The following NLRP14 variants were observed in gnomAD, a reference collection of about 807,000 sequenced individuals.
NLRP14 encodes the protein NACHT, LRR and PYD domains-containing protein 14.
A neutral mutation model predicts 94.7 loss-of-function variants in NLRP14; 105 were observed. The ratio of observed to expected loss-of-function variants is 1.11; its 90% CI spans 0.95 to 1.30. The LOEUF is 1.30. NLRP14 is among the 50% of genes most tolerant of loss of function. NLRP14 has a pLI of 0.00. For synonymous variants in NLRP14, 508 were observed against 459.9 expected, an observed-to-expected ratio of 1.10 and a Z score of -1.34; for missense variants, 1,362 against 1,254.1, an observed-to-expected ratio of 1.09 and a Z score of -1.30.
At chr11:7,045,298 C>T (rs923131157) in intron 4 of NLRP14, among the ~76,000 whole-genome samples, 7 of 152,150 alleles carry the variant, frequency 4.6e-5, no homozygotes, top group South Asian at 2.1e-4. Flanking sequence ...GGCATTAAAA[C>T]GTCTTTTATG....
the NLRP14 span, among the ~76,000 whole-genome samples, chr11:7,086,808 A>C: frequency 6.6e-6 from 1 of 152,196 alleles, no homozygotes; most frequent in African/African-American, 2.4e-5. Flanking sequence ...CCATGCATCT[A>C]GCTAGCCCTG....
intron 10 of NLRP14, among the ~76,000 whole-genome samples, chr11:7,064,983 T>G (rs1852683323): frequency 6.6e-6 from 1 of 152,020 alleles, no homozygotes; most frequent in Non-Finnish European, 1.5e-5. Flanking sequence ...AATGCTGTCT[T>G]AATTAATATA....
chr11:7,067,569 A>G (rs1056470420), intron 10 of NLRP14, among the ~76,000 whole-genome samples: 13 of 152,216 alleles, frequency 8.5e-5, no homozygotes, highest in Non-Finnish European at 1.9e-4. Flanking sequence ...ACTTTGCTGA[A>G]GTTGCTTATC....
intron 11 of NLRP14, among the ~76,000 whole-genome samples, chr11:7,070,810 A>T (rs753117455): frequency 1.3e-5 from 2 of 152,204 alleles, no homozygotes; most frequent in Non-Finnish European, 2.9e-5. Context: ...CTGAGTCAAT[A>T]TAGGCTAAGT....
chr11:7,036,595 C>A (rs1430348719), intron 1 of NLRP14, among the ~76,000 whole-genome samples: 1 of 152,062 alleles, frequency 6.6e-6, no homozygotes, highest in African/African-American at 2.4e-5. Flanking sequence ...CTTTTTTAAT[C>A]CTTGCAGAGG....
At chr11:7,075,501 T>A (rs1565030440), downstream of NLRP14, among the ~76,000 whole-genome samples, 1 of 152,350 alleles carries the variant, frequency 6.6e-6, no homozygotes, top group East Asian at 1.9e-4. Context: ...TATAACATGA[T>A]GAGGAATGTT....
the NLRP14 span, chr11:7,089,576 G>T: frequency 8.5e-7 from 1 of 1,181,816 alleles, no homozygotes. Context: ...AGCGTGGGCC[G>T]CCGCCGCGCA....
At chr11:7,087,384 T>C in the NLRP14 span, among the ~76,000 whole-genome samples, 4 of 152,244 alleles carry the variant, frequency 2.6e-5, no homozygotes, top group African/African-American at 9.6e-5. Context: ...AGTAGCTGCC[T>C]GGTCTTCCTT....
chr11:7,024,810 T>C (rs996309314), intron 1 of NLRP14, among the ~76,000 whole-genome samples: 4 of 152,074 alleles, frequency 2.6e-5, no homozygotes, highest in South Asian at 2.1e-4. Context: ...AGCAATTGAA[T>C]TGGAGGAGAA....
At chr11:7,067,008 T>C (rs968393727) in intron 10 of NLRP14, among the ~76,000 whole-genome samples, 8 of 152,058 alleles carry the variant, frequency 5.3e-5, no homozygotes, top group African/African-American at 1.9e-4. Context: ...GGTCAAGTGG[T>C]TGTAGGTGTG....
the NLRP14 span, chr11:7,089,502 G>T: frequency 8.1e-7 from 1 of 1,230,880 alleles, no homozygotes; most frequent in Non-Finnish European, 1.0e-6. Flanking sequence ...GGGCGGGCCC[G>T]ATGATGACGG....
rs752869095 is a variant in NLRP14, at chr11:7,057,843, C to T, written c.2458C>T (p.Leu820=). ...LRHPKCYLER[L]SLESCGLTEA... ...ACATCCAAAGTGTTATCTAGAGAGACTGTCGTGAGTGTTTCTGTTTTGTTT... is the reference window on the plus strand; with the variant it reads ...ACATCCAAAGTGTTATCTAGAGAGATTGTCGTGAGTGTTTCTGTTTTGTTT... The change falls in exon 7 of 12, where the codon CTG becomes TTG. Residue 820 remains leucine (L), a synonymous_variant. Transcript: ENST00000299481. The T allele has an allele frequency of 2.3e-5, 37 of 1,611,008 alleles. No individual in the cohort carries two copies. Among genetic ancestry groups the T allele is most frequent in the Non-Finnish European group, 3.1e-5 (36 of 1,177,492 alleles).
chr11:7,070,331 C>T lies in NLRP14; in HGVS notation c.3021C>T (p.Ser1007=). 2 of 1,611,342 alleles carry T rather than the reference C, an allele frequency of 1.2e-6. No homozygotes were observed. The highest frequency in any genetic ancestry group is 1.7e-6 in the Non-Finnish European group (2 of 1,177,578). The part of the protein sequence containing the change: ...GLTSLCCQDL[S]SALICNKRLI... The stretch of plus-strand genomic sequence containing the variant: ...CATCTCTCTGCTGTCAAGATCTCTC[C>T]TCTGCTCTTATCTGCAACAAAAGAC... Residue 1007 remains serine, a synonymous_variant, in exon 11 of 12, where the codon TCC becomes TCT. Transcript: ENST00000299481.
intron 1 of NLRP14, among the ~76,000 whole-genome samples, chr11:7,029,186 CT>C (rs992143353): frequency 6.6e-6 from 1 of 152,114 alleles, no homozygotes; most frequent in African/African-American, 2.4e-5. Context: ...AATACTACCA[CT>C]TTTATTTTAC....
At chr11:7,082,969 G>C in the NLRP14 span, among the ~76,000 whole-genome samples, 1 of 152,226 alleles carries the variant, frequency 6.6e-6, no homozygotes, top group African/African-American at 2.4e-5. Flanking sequence ...ATACTTTATT[G>C]TTTAGGAATC....
In NLRP14 at chr11:7,060,051, C is replaced by G; in HGVS notation, c.2791C>G (p.Leu931Val). 6.2e-7 allele frequency: 1 copy of G among 1,612,472 alleles called. No homozygotes were observed. ...TGTCTTTCGGCATCCAAGCTGTAAT[C>G]TTCAGGACTTGGAGTAGGTTTTCTG... ...CDVFRHPSCN[L>V]QDLELMGCVL... is the part of the protein sequence containing the mutation. Residue 931 changes from leucine to valine, a missense_variant, in exon 9 of 12, where the codon CTT becomes GTT. Coordinates refer to ENST00000299481, the MANE Select transcript of NLRP14 (RefSeq NM_176822.4).
chr11:7,035,221 T>G (rs1852144820), intron 1 of NLRP14, among the ~76,000 whole-genome samples: 1 of 152,198 alleles, frequency 6.6e-6, no homozygotes, highest in Non-Finnish European at 1.5e-5. Flanking sequence ...CTTGGGTGGC[T>G]AAGCCATGAG....
At chr11:7,048,529 C>A (rs371514150) in intron 5 of NLRP14, among the ~76,000 whole-genome samples, 1 of 152,148 alleles carries the variant, frequency 6.6e-6, no homozygotes, top group African/African-American at 2.4e-5. Context: ...GGGCTGGGGA[C>A]AGGCTTCTCA....
chr11:7,026,499 G>A lies in NLRP14; in HGVS notation c.-22+5729G>A, dbSNP rs565123697. Among the ~76,000 whole-genome samples the A allele has an allele frequency of 2.5e-3, 387 of 152,100 alleles. 3 individuals are homozygous for A. Among genetic ancestry groups the A allele is most frequent in the African/African-American group, 9.1e-3 (379 of 41,502 alleles). ...TAGAATGGCAATCATTAAAAAGTCAGGAAAAAACAGGTGCTGGAGAGGATG... is the reference window on the plus strand; with the variant it reads ...TAGAATGGCAATCATTAAAAAGTCAAGAAAAAACAGGTGCTGGAGAGGATG... On this transcript the variant is annotated intron_variant, in intron 1 of 11. Coordinates refer to ENST00000299481, the MANE Select transcript of NLRP14 (RefSeq NM_176822.4).
Sources: allele counts gnomAD v4.1 joint callset (sites outside exome capture counted in the v4.1 genomes callset), GRCh38; gene constraint gnomAD v4.1.1; transcripts MANE v1.5; gene names NCBI Gene and HGNC (gene_info 2026-07-23, HGNC 2026-07-21).